Variants in LARP1B observed in about 807,000 individuals in gnomAD.
The protein encoded by LARP1B is la-related protein 1B.
In LARP1B, 76 loss-of-function variants were observed where a neutral mutation model predicts 114.2. The ratio of observed to expected loss-of-function variants is 0.67; its 90% confidence interval spans 0.55 to 0.81. The LOEUF is 0.81. Ranked by LOEUF, LARP1B falls within the 30% of genes least tolerant of loss-of-function variation. The pLI is 0.00. For synonymous variants in LARP1B, 345 were observed against 348.0 expected, an observed-to-expected ratio of 0.99 and a Z score of 0.10; for missense variants, 1,014 against 1,075.8, an observed-to-expected ratio of 0.94 and a Z score of 0.80.
At chr4:128,095,887 G>T (rs1343276692) in intron 7 of LARP1B, among the ~76,000 whole-genome samples, 2 of 151,724 alleles carry the variant, frequency 1.3e-5, no homozygotes, top group Non-Finnish European at 2.9e-5. Flanking sequence ...CATCATCATT[G>T]ATGTTATGTA....
chr4:128,073,385 C>T (rs1474842085), intron 1 of LARP1B, among the ~76,000 whole-genome samples: 2 of 118,360 alleles, frequency 1.7e-5, no homozygotes, highest in Non-Finnish European at 3.3e-5. Context: ...CACTGCACTC[C>T]AGCCTGGGCG....
At chr4:128,092,819 A>G (rs1202276866) in intron 7 of LARP1B, 1 of 985,328 alleles carries the variant, frequency 1.0e-6, no homozygotes, top group African/African-American at 1.7e-5. Context: ...GTGGGCAGAA[A>G]GTGCTTGACA....
chr4:128,072,552 C>T (rs559624925), intron 1 of LARP1B, among the ~76,000 whole-genome samples: 23 of 151,436 alleles, frequency 1.5e-4, no homozygotes, highest in African/African-American at 4.6e-4. Context: ...GTAATCTGTA[C>T]GTATATATAA....
At position 128,210,845 on chromosome 4, in the gene LARP1B, C is replaced by A. The variant is rs998313693; in HGVS notation, c.*792C>A. 2.0e-6 allele frequency: 2 copies of A among 984,438 alleles called. No individual in the cohort carries two copies. Among genetic ancestry groups the A allele is most frequent in the African/African-American group, 3.5e-5 (2 of 57,188 alleles). The allele number at this position is 984,438 out of a possible 1,614,324, so 61.0% of individuals were successfully genotyped here. On this transcript the variant is annotated 3_prime_UTR_variant, in exon 20 of 20. Coordinates refer to ENST00000326639, the MANE Select transcript of LARP1B (RefSeq NM_018078.4). ...ACGTGCACGAGTAATTTAAAACCTG[C>A]ATTGGGATTGATTGGAATATTGTCC...
chr4:128,211,386 T>C lies in LARP1B; in HGVS notation c.*1333T>C. ...TATCTTGTTCTTATAAATTATAATA[T>C]TGAAATACATATAATCTTTGGATGG... On this transcript the variant is annotated 3_prime_UTR_variant, in exon 20 of 20. Coordinates refer to ENST00000326639, the MANE Select transcript of LARP1B (RefSeq NM_018078.4). 1.1e-6 allele frequency: 1 copy of C among 918,170 alleles called. No homozygotes were observed. The highest frequency in any genetic ancestry group is 1.3e-6 in the Non-Finnish European group (1 of 768,744). The allele number at this position is 918,170 out of a possible 1,614,324, so 56.9% of individuals were successfully genotyped here. A position where few individuals can be genotyped will look rare whatever the true frequency, so the allele number is the denominator to read the frequency against.
At chr4:128,181,547 C>A (rs1037933681) in intron 15 of LARP1B, among the ~76,000 whole-genome samples, 6 of 151,882 alleles carry the variant, frequency 4.0e-5, no homozygotes, top group African/African-American at 1.2e-4. Context: ...TTATAATGAT[C>A]CTATTTTATC....
chr4:128,114,806 TTA>T (rs1785234505), intron 10 of LARP1B, 64 bp downstream of exon 10: 2 of 1,433,770 alleles, frequency 1.4e-6, no homozygotes, highest in East Asian at 2.3e-5. Context: ...TCAGTGCACT[TTA>T]TGTTTGTTAG....
At chr4:128,127,606 G>C (rs1790065796) in intron 11 of LARP1B, among the ~76,000 whole-genome samples, 1 of 152,156 alleles carries the variant, frequency 6.6e-6, no homozygotes, top group African/African-American at 2.4e-5. Context: ...GGCCGAGGTG[G>C]GTGTATTACC....
rs1755645497 is a variant in LARP1B, at chr4:128,200,668, C to T, written c.2309+3C>T. On this transcript the variant is annotated splice_donor_region_variant and intron_variant, in intron 17 of 19. Transcript: ENST00000326639. ...GAAGATGCAAAAGAAAATTACAGGTCAGATATTTTCTTTTACACTTCAAGG... is the reference window on the plus strand; with the variant it reads ...GAAGATGCAAAAGAAAATTACAGGTTAGATATTTTCTTTTACACTTCAAGG... The T allele has an allele frequency of 6.4e-7, 1 of 1,565,610 alleles. No homozygotes were observed. The highest frequency in any genetic ancestry group is 1.4e-5 in the African/African-American group (1 of 72,456).
intron 11 of LARP1B, among the ~76,000 whole-genome samples, chr4:128,125,583 A>G (rs971140586): frequency 4.6e-5 from 7 of 152,144 alleles, no homozygotes; most frequent in African/African-American, 1.7e-4. Context: ...CATCTCTACT[A>G]AAAATACAAA....
chr4:128,206,895 C>T (rs1443499978), intron 18 of LARP1B: 1 of 912,856 alleles, frequency 1.1e-6, no homozygotes, highest in Non-Finnish European at 1.3e-6. Flanking sequence ...GGCTCTGGGA[C>T]AGACTGCTAG....
At chr4:128,182,464 G>T (rs2150706295) in intron 15 of LARP1B, among the ~76,000 whole-genome samples, 1 of 152,166 alleles carries the variant, frequency 6.6e-6, no homozygotes, top group Non-Finnish European at 1.5e-5. Context: ...GTTAACTATT[G>T]TAATTGTTTT....
chr4:128,093,102 T>A (rs1776451424), intron 7 of LARP1B: 1 of 947,836 alleles, frequency 1.1e-6, no homozygotes, highest in East Asian at 1.2e-4. Flanking sequence ...CCTCTTTTTT[T>A]GTTGTTGTTC....
chr4:128,137,979 G>A (rs1428007233), intron 11 of LARP1B, among the ~76,000 whole-genome samples: 3 of 151,846 alleles, frequency 2.0e-5, no homozygotes, highest in African/African-American at 4.8e-5. Flanking sequence ...ATTCTTAAAA[G>A]GCAGGTGACA....
At chr4:128,108,166 C>T in intron 9 of LARP1B, 1 of 1,242,416 alleles carries the variant, frequency 8.0e-7, no homozygotes, top group Non-Finnish European at 1.0e-6. Context: ...TTGGCCTGGG[C>T]TGCATGGGCT....
In LARP1B at chr4:128,210,651, A is replaced by G. The variant is rs569883344; in HGVS notation, c.*598A>G. The G allele has an allele frequency of 1.0e-6, 1 of 954,626 alleles. No individual in the cohort carries two copies. Among genetic ancestry groups the G allele is most frequent in the African/African-American group, 1.8e-5 (1 of 56,690 alleles). 59.1% of individuals were successfully genotyped at this position (954,626 alleles called of 1,614,324 possible). On this transcript the variant is annotated 3_prime_UTR_variant, in exon 20 of 20. Coordinates refer to ENST00000326639, the MANE Select transcript of LARP1B (RefSeq NM_018078.4). ...TTTTTTAAAACAAAAGTAGGAATAT[A>G]TAGTAAGATTGTAGTTACAATGAGT...
intron 8 of LARP1B, among the ~76,000 whole-genome samples, chr4:128,098,767 A>ATATATATATTTTTT (rs1328165907): frequency 2.9e-5 from 1 of 35,032 alleles, no homozygotes; most frequent in Non-Finnish European, 4.8e-5. Context: ...ATATATATAT[A>ATATATATATTTTTT]TTTTTTTTTT....
chr4:128,087,844 G>C (rs534765037), intron 5 of LARP1B, among the ~76,000 whole-genome samples: 4 of 151,660 alleles, frequency 2.6e-5, no homozygotes, highest in Admixed American at 6.6e-5. Context: ...ATACATGTGT[G>C]GGGGGGAGCA....
chr4:128,136,157 G>A (rs1017959556), intron 11 of LARP1B, among the ~76,000 whole-genome samples: 16 of 151,928 alleles, frequency 1.1e-4, no homozygotes, highest in African/African-American at 2.9e-4. Flanking sequence ...GCTGGGTGTG[G>A]TGGTGCACGC....
Sources: allele counts gnomAD v4.1 joint callset (sites outside exome capture counted in the v4.1 genomes callset), GRCh38; gene constraint gnomAD v4.1.1; transcripts MANE v1.5; gene names NCBI Gene and HGNC (gene_info 2026-07-23, HGNC 2026-07-21).